PAK5: variants seen among roughly 807,000 people sequenced by gnomAD.
PAK5 encodes the protein p21 (RAC1) activated kinase 5, also known as serine/threonine-protein kinase PAK 5.
In PAK5, 16 loss-of-function variants were observed where a neutral mutation model predicts 65.9. The observed-to-expected ratio is 0.24, with a 90% CI of 0.16 to 0.37. PAK5 has a LOEUF of 0.37. PAK5 is among the 10% of genes least tolerant of loss of function. PAK5 has a pLI of 1.00. For synonymous variants in PAK5, 371 were observed against 354.9 expected (o/e 1.05, Z -0.51); for missense variants, 785 against 903.9 (o/e 0.87, Z 1.69).
chr20:9,757,986 T>C (rs2048655038), intron 1 of PAK5, among the ~76,000 whole-genome samples: 1 of 152,196 alleles, frequency 6.6e-6, no homozygotes, highest in Admixed American at 6.6e-5. Flanking sequence ...TATGGATGTT[T>C]GTTGCTCTTG....
chr20:9,546,124 T>C (rs994044373), intron 7 of PAK5, among the ~76,000 whole-genome samples: 3 of 152,038 alleles, frequency 2.0e-5, no homozygotes, highest in Admixed American at 2.0e-4. Flanking sequence ...GAGACAAGAT[T>C]CCCCCTGCCA....
intron 7 of PAK5, among the ~76,000 whole-genome samples, chr20:9,547,231 G>A (rs2045358933): frequency 6.6e-6 from 1 of 152,136 alleles, no homozygotes; most frequent in African/African-American, 2.4e-5. Context: ...TTCTCCCTCA[G>A]AGCTTCCAGA....
intron 1 of PAK5, among the ~76,000 whole-genome samples, chr20:9,804,028 T>C (rs1235738983): frequency 6.6e-6 from 1 of 152,202 alleles, no homozygotes; most frequent in Non-Finnish European, 1.5e-5. Flanking sequence ...GATCATGCTG[T>C]GGTGGGAGAC....
At chr20:9,825,246 C>A (rs1309838338) in intron 1 of PAK5, among the ~76,000 whole-genome samples, 1 of 152,206 alleles carries the variant, frequency 6.6e-6, no homozygotes, top group African/African-American at 2.4e-5. Flanking sequence ...CTACTGCTAT[C>A]ATCCTTCTAT....
intron 1 of PAK5, among the ~76,000 whole-genome samples, chr20:9,761,498 A>G (rs1416203542): frequency 2.6e-5 from 4 of 152,210 alleles, no homozygotes. Flanking sequence ...TCAAAATTCT[A>G]TCAAAATTCC....
At chr20:9,584,324 A>AT (rs971534569) in intron 3 of PAK5, among the ~76,000 whole-genome samples, 1 of 151,836 alleles carries the variant, frequency 6.6e-6, no homozygotes, top group African/African-American at 2.4e-5. Flanking sequence ...ATTTTATTTT[A>AT]TTTTTTGAGA....
intron 2 of PAK5, among the ~76,000 whole-genome samples, chr20:9,683,138 C>T (rs571492012): frequency 5.5e-4 from 83 of 152,278 alleles, no homozygotes; most frequent in African/African-American, 1.9e-3. Context: ...GAATGCTGTT[C>T]AAATATTCAC....
chr20:9,557,363 T>G (rs1378878871), intron 7 of PAK5, among the ~76,000 whole-genome samples: 1 of 152,200 alleles, frequency 6.6e-6, no homozygotes, highest in East Asian at 1.9e-4. Context: ...AGCCATAGTT[T>G]CTATTACTTC....
chr20:9,726,712 G>A (rs1042093794), intron 1 of PAK5, among the ~76,000 whole-genome samples: 2 of 152,104 alleles, frequency 1.3e-5, no homozygotes, highest in Admixed American at 6.6e-5. Flanking sequence ...AATACCTAAT[G>A]CACGCAGGGC....
At chr20:9,564,920 A>G (rs117375112) in intron 5 of PAK5, among the ~76,000 whole-genome samples, 1,842 of 151,852 alleles carry the variant, frequency 0.012, 21 homozygotes, top group Admixed American at 0.015. Context: ...GTATGCTGAT[A>G]TATTTTATTT....
At chr20:9,740,667 G>C (rs1258817292) in intron 1 of PAK5, among the ~76,000 whole-genome samples, 1 of 152,202 alleles carries the variant, frequency 6.6e-6, no homozygotes, top group Non-Finnish European at 1.5e-5. Flanking sequence ...ATGAGAGACA[G>C]AGCAGATTCG....
chr20:9,632,795 A>T (rs889682726), intron 3 of PAK5, among the ~76,000 whole-genome samples: 2 of 152,218 alleles, frequency 1.3e-5, no homozygotes, highest in Non-Finnish European at 2.9e-5. Context: ...TTGTTTTCTG[A>T]CTTAGCATCG....
intron 2 of PAK5, among the ~76,000 whole-genome samples, chr20:9,709,210 T>C (rs577397291): frequency 9.2e-5 from 14 of 152,332 alleles, no homozygotes; most frequent in African/African-American, 3.1e-4. Context: ...GAATGGCGTA[T>C]GTCATTTTTA....
At chr20:9,596,462 C>T (rs1568987999) in intron 3 of PAK5, among the ~76,000 whole-genome samples, 2 of 151,826 alleles carry the variant, frequency 1.3e-5, no homozygotes, top group Non-Finnish European at 2.9e-5. Context: ...CAGTGAAACC[C>T]CGTCTCTACT....
intron 2 of PAK5, among the ~76,000 whole-genome samples, chr20:9,661,537 G>C (rs2047346987): frequency 6.6e-6 from 1 of 152,124 alleles, no homozygotes; most frequent in Non-Finnish European, 1.5e-5. Context: ...GTAAATTCTA[G>C]AGAAGGCTAT....
chr20:9,687,729 G>A (rs897233057), intron 2 of PAK5, among the ~76,000 whole-genome samples: 9 of 152,122 alleles, frequency 5.9e-5, no homozygotes, highest in African/African-American at 1.4e-4. Flanking sequence ...TTTATTCTGT[G>A]TCCACCATGT....
chr20:9,736,058 C>G (rs948422027), intron 1 of PAK5, among the ~76,000 whole-genome samples: 3 of 151,840 alleles, frequency 2.0e-5, no homozygotes, highest in African/African-American at 7.3e-5. Flanking sequence ...TGCACCCTCA[C>G]CCCCAGCTAA....
chr20:9,581,928 A>C (rs1603229556), intron 3 of PAK5, among the ~76,000 whole-genome samples: 1 of 152,240 alleles, frequency 6.6e-6, no homozygotes, highest in African/African-American at 2.4e-5. Flanking sequence ...GTACAATAGA[A>C]GATTTCAAAC....
At chr20:9,706,541 C>T (rs752020097) in intron 2 of PAK5, among the ~76,000 whole-genome samples, 1 of 150,158 alleles carries the variant, frequency 6.7e-6, no homozygotes, top group Non-Finnish European at 1.5e-5. Flanking sequence ...TGCAGCAGTG[C>T]AATCCTGGCT....
Sources: allele counts gnomAD v4.1 joint callset (sites outside exome capture counted in the v4.1 genomes callset), GRCh38; gene constraint gnomAD v4.1.1; transcripts MANE v1.5; gene names NCBI Gene and HGNC (gene_info 2026-07-23, HGNC 2026-07-21).